The following PCDH9 variants were observed in gnomAD, a reference collection of about 807,000 sequenced individuals.
The protein encoded by PCDH9 is protocadherin-9.
In PCDH9, 24 loss-of-function variants were observed where a neutral mutation model predicts 70.6. That is an observed-to-expected ratio of 0.34 (90% CI 0.25 to 0.48). The LOEUF is 0.48. Among genes scored for constraint, PCDH9 ranks in the 20% least tolerant of loss-of-function variants. The probability of loss-of-function intolerance (pLI) is 0.99; values close to 1 mark genes in which losing one functional copy is unlikely to be tolerated. For missense variants in PCDH9, 1,281 were observed against 1,503.6 expected (o/e 0.85, Z 2.45); for synonymous variants, 562 against 558.5 (o/e 1.01, Z -0.09).
chr13:66,590,365 C>A (rs918230799), intron 4 of PCDH9, among the ~76,000 whole-genome samples: 1 of 151,804 alleles, frequency 6.6e-6, no homozygotes, highest in Non-Finnish European at 1.5e-5. Context: ...TGATTAATAA[C>A]TCCAACTAAT....
intron 4 of PCDH9, among the ~76,000 whole-genome samples, chr13:66,353,660 C>T (rs997447974): frequency 7.2e-5 from 11 of 152,062 alleles, no homozygotes; most frequent in African/African-American, 2.4e-4. Context: ...GTCTCTTAAA[C>T]TACACTCATT....
intron 3 of PCDH9, among the ~76,000 whole-genome samples, chr13:66,723,945 C>T (rs180677254): frequency 5.9e-5 from 9 of 152,144 alleles, no homozygotes; most frequent in African/African-American, 2.2e-4. Context: ...ATGTAAAGTA[C>T]ATGGTTTTCC....
Position 66,928,120 on chromosome 13 carries a change from C to G in PCDH9, c.3037-24515G>C, listed in dbSNP as rs113048630. Among the ~76,000 whole-genome samples the G allele has an allele frequency of 9.0e-3, 1,372 of 152,178 alleles. 29 individuals are homozygous for G. The highest frequency in any genetic ancestry group is 0.032 in the African/African-American group (1,320 of 41,526). ...GGAAAGAACACTATACTGGGTGTCA[C>G]GAGCCATGGGTTCCTTCTCAGTTTG... is the stretch of plus-strand genomic sequence containing the variant. On this transcript the variant is annotated intron_variant, in intron 2 of 4. Transcript: ENST00000377865.
chr13:66,819,699 G>T (rs1022696241), intron 3 of PCDH9, among the ~76,000 whole-genome samples: 2 of 152,164 alleles, frequency 1.3e-5, no homozygotes, highest in African/African-American at 2.4e-5. Context: ...ACACCAGTCT[G>T]GGCAACAGAG....
chr13:66,761,890 C>CAAATCCCACCATTGGAATTGCT, intron 3 of PCDH9, among the ~76,000 whole-genome samples: 4 of 151,094 alleles, frequency 2.6e-5, no homozygotes, highest in African/African-American at 9.9e-5. Context: ...GGATCAGTTA[C>CAAATCCCACCATTGGAATTGCT]TGATACTTTA....
At chr13:66,357,253 G>C (rs1275064469) in intron 4 of PCDH9, among the ~76,000 whole-genome samples, 1 of 151,900 alleles carries the variant, frequency 6.6e-6, no homozygotes, top group Non-Finnish European at 1.5e-5. Context: ...GAGAAGTGTG[G>C]GTGGCATTTA....
chr13:67,110,325 GC>G (rs1312132042), intron 2 of PCDH9, among the ~76,000 whole-genome samples: 1 of 151,846 alleles, frequency 6.6e-6, no homozygotes, highest in African/African-American at 2.4e-5. Flanking sequence ...GACCAGCCTG[GC>G]CAACACGGTG....
chr13:66,327,668 G>A (rs769895826), intron 4 of PCDH9, among the ~76,000 whole-genome samples: 8 of 152,050 alleles, frequency 5.3e-5, no homozygotes, highest in Non-Finnish European at 1.0e-4. Context: ...GGACATTGGA[G>A]GTCTTATGTA....
intron 3 of PCDH9, among the ~76,000 whole-genome samples, chr13:66,714,390 G>A (rs2139137269): frequency 6.6e-6 from 1 of 151,906 alleles, no homozygotes. Flanking sequence ...GAGTGAACCG[G>A]GAGGTGGAGC....
At chr13:66,518,558 C>A (rs887538415) in intron 4 of PCDH9, among the ~76,000 whole-genome samples, 1 of 151,942 alleles carries the variant, frequency 6.6e-6, no homozygotes, top group Non-Finnish European at 1.5e-5. Context: ...TTTTTATGGG[C>A]AAGGTAGGGC....
chr13:66,329,561 TTGA>T (rs1276178793), intron 4 of PCDH9, among the ~76,000 whole-genome samples: 3 of 152,162 alleles, frequency 2.0e-5, no homozygotes, highest in African/African-American at 7.2e-5. Flanking sequence ...ATGTCCCCAG[TTGA>T]TGAAGAACAA....
intron 4 of PCDH9, among the ~76,000 whole-genome samples, chr13:66,322,975 A>G (rs896691662): frequency 1.3e-5 from 2 of 152,022 alleles, no homozygotes; most frequent in Non-Finnish European, 2.9e-5. Flanking sequence ...GTGATATGTT[A>G]TATGTTTCCA....
rs148749866 is a variant in PCDH9, at chr13:66,516,795, T to C, written c.3340+114415A>G. Among the ~76,000 whole-genome samples the C allele has an allele frequency of 4.7e-3, 710 of 152,174 alleles. 32 individuals carry two copies. In the East Asian group the frequency reaches 0.091, roughly 20 times the overall value. On this transcript the variant is annotated intron_variant, in intron 4 of 4. Transcript: ENST00000377865. ...GTGCTTGTATGAGTCATTTTATCTA[T>C]GCTGAACATAATCAAATTTGTCCTC...
intron 4 of PCDH9, among the ~76,000 whole-genome samples, chr13:66,502,636 A>C (rs1392642949): frequency 2.1e-5 from 1 of 47,140 alleles, no homozygotes; most frequent in Non-Finnish European, 4.4e-5. Context: ...ATGTCTAGAT[A>C]GTGAAATAGC....
rs375486745 is a variant in PCDH9, at chr13:66,982,355, C to T, written c.3037-78750G>A. ...AATGGCCTGATACAATAACCAATCCCTTATATCCGCTACTATAAAATATAT... is the reference window on the plus strand; with the variant it reads ...AATGGCCTGATACAATAACCAATCCTTTATATCCGCTACTATAAAATATAT... On this transcript the variant is annotated intron_variant, in intron 2 of 4. Transcript: ENST00000377865. Among the ~76,000 whole-genome samples the T allele has an allele frequency of 3.6e-4, 55 of 152,248 alleles. No individual in the cohort carries two copies. The South Asian group carries it at 0.011, about 30-fold the overall frequency.
chr13:66,615,046 A>T (rs1463905551), intron 4 of PCDH9, among the ~76,000 whole-genome samples: 2 of 152,240 alleles, frequency 1.3e-5, no homozygotes, highest in Non-Finnish European at 2.9e-5. Context: ...ACTATGACCT[A>T]ATGCTTGCTT....
At chr13:67,075,549 C>A (rs1042894572) in intron 2 of PCDH9, among the ~76,000 whole-genome samples, 3 of 151,832 alleles carry the variant, frequency 2.0e-5, no homozygotes, top group African/African-American at 7.2e-5. Flanking sequence ...GGTTTTTTTT[C>A]TTAATTATGA....
At chr13:66,381,195 G>A (rs1460589036) in intron 4 of PCDH9, among the ~76,000 whole-genome samples, 2 of 151,842 alleles carry the variant, frequency 1.3e-5, no homozygotes, top group African/African-American at 4.8e-5. Context: ...CTTCAATCAG[G>A]GCTTCAACTT....
intron 3 of PCDH9, among the ~76,000 whole-genome samples, chr13:66,898,284 T>C (rs79761121): frequency 0.022 from 3,332 of 152,108 alleles, 108 homozygotes; most frequent in African/African-American, 0.074. Context: ...AAATAACATA[T>C]ATGTGTGTGT....
Sources: allele counts gnomAD v4.1 joint callset (sites outside exome capture counted in the v4.1 genomes callset), GRCh38; gene constraint gnomAD v4.1.1; transcripts MANE v1.5; gene names NCBI Gene and HGNC (gene_info 2026-07-23, HGNC 2026-07-21).